The following GMPR variants were observed in gnomAD, a reference collection of about 807,000 sequenced individuals.
GMPR encodes the protein guanosine monophosphate reductase.
GMPR carries 31 observed loss-of-function variants against 38.4 expected under a neutral mutation model. That is an observed-to-expected ratio of 0.81 (90% CI 0.61 to 1.09). The LOEUF is 1.09. Ranked by LOEUF, GMPR falls within the 50% of genes least tolerant of loss-of-function variation. The probability of loss-of-function intolerance (pLI) is 0.00; values close to 1 mark genes in which losing one functional copy is unlikely to be tolerated. For synonymous variants in GMPR, 162 were observed against 173.3 expected (o/e 0.93, Z 0.51); for missense variants, 468 against 453.7 (o/e 1.03, Z -0.29).
chr6:16,284,886 G>T (rs34219238), intron 6 of GMPR, among the ~76,000 whole-genome samples: 2,861 of 152,122 alleles, frequency 0.019, 29 homozygotes, highest in Non-Finnish European at 0.032. Context: ...TGGGCTTGGT[G>T]GTGGGCACTT....
Position 16,264,056 on chromosome 6 carries a change from A to C in GMPR, c.465+9321A>C, listed in dbSNP as rs1759141926. 2.0e-5 allele frequency among the ~76,000 whole-genome samples: 3 copies of C among 151,988 alleles called. No individual in the cohort carries two copies. The South Asian group carries it at 6.2e-4, about 31-fold the overall frequency. On this transcript the variant is annotated intron_variant, in intron 4 of 8. Transcript: ENST00000259727. The stretch of plus-strand genomic sequence containing the variant: ...GACTTGCCGCTAAGGGTGAAGGACC[A>C]AGGCAGGCATCCCTGCGTGGTCTGA...
intron 4 of GMPR, among the ~76,000 whole-genome samples, chr6:16,260,531 C>G (rs1174308035): frequency 2.6e-5 from 4 of 151,936 alleles, no homozygotes; most frequent in Non-Finnish European, 5.9e-5. Context: ...GGGGCAAATC[C>G]TCGAGCTTGA....
chr6:16,247,445 G>A (rs563700608), intron 2 of GMPR, among the ~76,000 whole-genome samples: 2 of 151,774 alleles, frequency 1.3e-5, no homozygotes, highest in Non-Finnish European at 2.9e-5. Flanking sequence ...CGTGATCTTG[G>A]CTCACTGCAA....
Position 16,278,781 on chromosome 6 carries a change from C to T in GMPR, c.548-3C>T. The T allele has an allele frequency of 1.2e-6, 2 of 1,604,236 alleles. No homozygotes were observed. The highest frequency in any genetic ancestry group is 1.7e-6 in the Non-Finnish European group (2 of 1,170,898). On this transcript the variant is annotated splice_region_variant and splice_polypyrimidine_tract_variant and intron_variant, in intron 5 of 8. Coordinates refer to ENST00000259727, the MANE Select transcript of GMPR (RefSeq NM_006877.4). ...TTTGGGGACAACTTCTTTCTCTGTG[C>T]AGGTTCTGTGTGCACCACCCGCACC...
chr6:16,288,923 A>G (rs1266042231), intron 7 of GMPR, among the ~76,000 whole-genome samples: 2 of 152,318 alleles, frequency 1.3e-5, no homozygotes, highest in East Asian at 1.9e-4. Context: ...TAGCTCAGGG[A>G]TTGTAAACAC....
chr6:16,239,997 A>G (rs1159153302), intron 1 of GMPR, among the ~76,000 whole-genome samples: 1 of 152,188 alleles, frequency 6.6e-6, no homozygotes, highest in African/African-American at 2.4e-5. Flanking sequence ...TCTTGGAACA[A>G]AAACAGTTTG....
chr6:16,288,278 G>C (rs570610038), intron 7 of GMPR, among the ~76,000 whole-genome samples: 47 of 152,400 alleles, frequency 3.1e-4, no homozygotes, highest in African/African-American at 1.1e-3. Context: ...TGGCAACCGA[G>C]GATGCGCGAG....
rs1239605773 is a variant in GMPR at position 16,253,907 on chromosome 6, G to A, written c.292-655G>A. On this transcript the variant is annotated intron_variant, in intron 3 of 8. Coordinates refer to ENST00000259727, the MANE Select transcript of GMPR (RefSeq NM_006877.4). ...TTCCCTGATATGACACAATCATGCC[G>A]GTAGTCATTATTTTTTTTTTTAGTG... 1.6e-4 allele frequency among the ~76,000 whole-genome samples: 24 copies of A among 152,014 alleles called. No homozygotes were observed. The South Asian group carries it at 1.7e-3, about 10-fold the overall frequency.
intron 6 of GMPR, among the ~76,000 whole-genome samples, chr6:16,279,130 A>AG: frequency 6.6e-6 from 1 of 152,340 alleles, no homozygotes; most frequent in South Asian, 2.1e-4. Flanking sequence ...AGGGATGTGC[A>AG]GGCAGCTTTC....
At chr6:16,244,669 A>G (rs1403052887) in intron 1 of GMPR, among the ~76,000 whole-genome samples, 1 of 152,020 alleles carries the variant, frequency 6.6e-6, no homozygotes, top group East Asian at 1.9e-4. Flanking sequence ...TCTAATCTAT[A>G]TTTGGCGTAT....
chr6:16,267,053 G>A (rs1014492792), intron 4 of GMPR, among the ~76,000 whole-genome samples: 4 of 150,712 alleles, frequency 2.7e-5, no homozygotes, highest in Admixed American at 6.6e-5. Context: ...GTGGCACGTC[G>A]GACGTGCCAC....
chr6:16,288,710 C>G (rs1298451380), intron 7 of GMPR, among the ~76,000 whole-genome samples: 1 of 152,224 alleles, frequency 6.6e-6, no homozygotes, highest in Non-Finnish European at 1.5e-5. Flanking sequence ...ATGAAGCCAG[C>G]TGGGCTCCTC....
Position 16,244,813 on chromosome 6 carries a change from A to T in GMPR, c.88-2029A>T, listed in dbSNP as rs148402799. Among the ~76,000 whole-genome samples, 875 of 152,228 alleles carry T rather than the reference A, an allele frequency of 5.7e-3. 9 individuals carry two copies. The highest frequency in any genetic ancestry group is 0.02 in the African/African-American group (822 of 41,526). On this transcript the variant is annotated intron_variant, in intron 1 of 8. Transcript: ENST00000259727. Reference sequence around the variant, plus strand: ...TGGGTGGATAAAGTTGGGGAAGATCATTTTATTTTTCATTCTTAGAATTAA... The same window carrying T: ...TGGGTGGATAAAGTTGGGGAAGATCTTTTTATTTTTCATTCTTAGAATTAA...
chr6:16,262,185 G>C (rs1355849343), intron 4 of GMPR: 1 of 151,746 alleles, frequency 6.6e-6, no homozygotes, highest in Non-Finnish European at 1.5e-5. Flanking sequence ...ACCCTCCACT[G>C]TGAGAGTTAC....
chr6:16,274,834 T>A (rs980760824), intron 5 of GMPR, among the ~76,000 whole-genome samples: 1 of 152,104 alleles, frequency 6.6e-6, no homozygotes. Flanking sequence ...AGGTGAAGAA[T>A]CCATAGAGAC....
At chr6:16,281,712 G>C (rs939445170) in intron 6 of GMPR, among the ~76,000 whole-genome samples, 1 of 151,430 alleles carries the variant, frequency 6.6e-6, no homozygotes, top group Non-Finnish European at 1.5e-5. Context: ...GTTTCACCAT[G>C]CTGGCCAGGC....
intron 4 of GMPR, among the ~76,000 whole-genome samples, chr6:16,259,573 C>A (rs1323405929): frequency 6.6e-6 from 1 of 151,678 alleles, no homozygotes; most frequent in Non-Finnish European, 1.5e-5. Flanking sequence ...GGCGTGGTAA[C>A]CTAGAGTGGG....
intron 3 of GMPR, among the ~76,000 whole-genome samples, chr6:16,253,896 A>C: frequency 6.6e-6 from 1 of 151,746 alleles, no homozygotes. Flanking sequence ...CTGATATGAC[A>C]CAATCATGCC....
chr6:16,285,556 G>A (rs1303111837), intron 6 of GMPR, among the ~76,000 whole-genome samples: 1 of 152,238 alleles, frequency 6.6e-6, no homozygotes, highest in Non-Finnish European at 1.5e-5. Context: ...GCAGTGGGTG[G>A]TGCCAGCTTC....
Sources: gnomAD v4.1 joint callset for allele counts (sites outside exome capture counted in the v4.1 genomes callset) on GRCh38, gnomAD v4.1.1 for gene constraint, MANE v1.5 for transcripts, NCBI Gene and HGNC (gene_info 2026-07-23, HGNC 2026-07-21) for gene names.